Variants in SLC12A7 observed in about 807,000 individuals in gnomAD.
The protein encoded by SLC12A7 is solute carrier family 12 member 7.
Under a neutral mutation model 120.6 loss-of-function variants are expected in SLC12A7, and 100 were observed. The ratio of observed to expected loss-of-function variants is 0.83; its 90% confidence interval spans 0.71 to 0.98. SLC12A7 has a LOEUF of 0.98. Ranked by LOEUF, SLC12A7 falls within the 50% of genes least tolerant of loss-of-function variation. The pLI, the probability that SLC12A7 is intolerant of heterozygous loss-of-function variation, is 0.00. For missense variants in SLC12A7, 1,373 were observed against 1,548.1 expected (o/e 0.89, Z 1.90); for synonymous variants, 760 against 678.0 (o/e 1.12, Z -1.88).
At chr5:1,145,633 G>A in the SLC12A7 span, among the ~76,000 whole-genome samples, 6 of 151,992 alleles carry the variant, frequency 3.9e-5, no homozygotes, top group African/African-American at 1.5e-4. The surrounding 1 kb of genome is among the most constrained non-coding windows in gnomAD (Gnocchi z 4.4). Flanking sequence ...AGGCCTGAAA[G>A]AGCACCTTGC....
Position 1,085,068 on chromosome 5 carries a change from T to C in SLC12A7, c.917+164A>G, listed in dbSNP as rs10866480. Among the ~76,000 whole-genome samples the C allele has an allele frequency of 0.91, 139,217 of 152,288 alleles. 64,917 individuals are homozygous for C. The highest frequency in any genetic ancestry group is 1 in the East Asian group (5,155 of 5,162). ...CGGCCCACCTCACCGTTGGGTTTCCTGTAATCCCCAGAACGAGCCCACGGG... is the reference window on the plus strand; with the variant it reads ...CGGCCCACCTCACCGTTGGGTTTCCCGTAATCCCCAGAACGAGCCCACGGG... On this transcript the variant is annotated intron_variant, in intron 7 of 23. Transcript: ENST00000264930.
At chr5:1,149,862 C>T in the SLC12A7 span, among the ~76,000 whole-genome samples, 7 of 152,152 alleles carry the variant, frequency 4.6e-5, no homozygotes, top group African/African-American at 7.2e-5. Context: ...AACTCCGTCT[C>T]TACTCACAAT....
At chr5:1,108,612 G>A (rs940891068) in intron 1 of SLC12A7, among the ~76,000 whole-genome samples, 4 of 152,164 alleles carry the variant, frequency 2.6e-5, no homozygotes, top group Admixed American at 6.5e-5. Context: ...GAACCTGGAC[G>A]CTCTGTGTGT....
At chr5:1,131,875 C>T in the SLC12A7 span, among the ~76,000 whole-genome samples, 20 of 152,304 alleles carry the variant, frequency 1.3e-4, no homozygotes, top group African/African-American at 4.6e-4. Context: ...TGGGGCCCAG[C>T]GCCCTGGCTG....
chr5:1,149,332 T>G, the SLC12A7 span, among the ~76,000 whole-genome samples: 1 of 152,162 alleles, frequency 6.6e-6, no homozygotes, highest in South Asian at 2.1e-4. Flanking sequence ...ATCCCAGCAC[T>G]TTGGGAGGCC....
intron 1 of SLC12A7, among the ~76,000 whole-genome samples, chr5:1,110,720 T>C (rs910959362): frequency 6.6e-6 from 1 of 152,226 alleles, no homozygotes; most frequent in African/African-American, 2.4e-5. Flanking sequence ...CCTGCTTAGT[T>C]AGCACTTCAC....
At chr5:1,064,681 GGTGAAGGGACA>G (rs1736729466) in intron 18 of SLC12A7, among the ~76,000 whole-genome samples, 1 of 150,654 alleles carries the variant, frequency 6.6e-6, no homozygotes, top group African/African-American at 2.4e-5. Context: ...GCGAGGAGAC[GGTGAAGGGACA>G]GTGAGGGGAC....
At chr5:1,073,963 G>A (rs1738024777) in intron 16 of SLC12A7, among the ~76,000 whole-genome samples, 162 bp from the exon 17 acceptor site, 1 of 152,154 alleles carries the variant, frequency 6.6e-6, no homozygotes, top group African/African-American at 2.4e-5. Context: ...CAGATGGGAT[G>A]GGGAAACGTG....
At chr5:1,134,436 C>A in the SLC12A7 span, among the ~76,000 whole-genome samples, 10 of 151,950 alleles carry the variant, frequency 6.6e-5, no homozygotes, top group East Asian at 1.7e-3. Flanking sequence ...TGCCATTTCA[C>A]TTCAGCCTGG....
At chr5:1,133,854 C>A in the SLC12A7 span, among the ~76,000 whole-genome samples, 5 of 152,098 alleles carry the variant, frequency 3.3e-5, no homozygotes, top group Non-Finnish European at 5.9e-5. Flanking sequence ...CCTGACCAAC[C>A]GAGGCAGCAA....
In SLC12A7 at chr5:1,060,875, A is replaced by C. The variant is rs550689815; in HGVS notation, c.2740-424T>G. On this transcript the variant is annotated intron_variant, in intron 20 of 23. Coordinates refer to ENST00000264930, the MANE Select transcript of SLC12A7 (RefSeq NM_006598.3). ...AGAACACATGGAGAAGCCACAGCAC[A>C]ACCTCAGCGCCCGCCATGCAGGACC... 1.7e-3 allele frequency among the ~76,000 whole-genome samples: 245 copies of C among 144,812 alleles called. 1 individual carries two copies. The highest frequency in any genetic ancestry group is 3.7e-3 in the African/African-American group (134 of 35,884).
At position 1,094,606 on chromosome 5, in the gene SLC12A7, C is replaced by T. The variant is rs1038704498; in HGVS notation, c.125-358G>A. Reference sequence around the variant, plus strand: ...TTGAAGACAAAGCCCCTGAAAGCCTCGGCAAGTGAGCTGTTCAGCCCAGGG... The same window carrying T: ...TTGAAGACAAAGCCCCTGAAAGCCTTGGCAAGTGAGCTGTTCAGCCCAGGG... On this transcript the variant is annotated intron_variant, in intron 1 of 23. Coordinates refer to ENST00000264930, the MANE Select transcript of SLC12A7 (RefSeq NM_006598.3). 5.9e-5 allele frequency among the ~76,000 whole-genome samples: 9 copies of T among 152,346 alleles called. No individual in the cohort carries two copies. The East Asian group carries it at 1.7e-3, about 29-fold the overall frequency.
intron 16 of SLC12A7, among the ~76,000 whole-genome samples, chr5:1,074,251 G>A (rs958517429): frequency 3.3e-5 from 5 of 152,046 alleles, no homozygotes; most frequent in Admixed American, 1.3e-4. Context: ...ACACACCTGA[G>A]GCCCCCGCCG....
intron 14 of SLC12A7, 58 bp downstream of exon 14, chr5:1,076,080 A>T: frequency 1.4e-6 from 2 of 1,436,464 alleles, no homozygotes; most frequent in Non-Finnish European, 1.9e-6. Context: ...CACCAGTGGC[A>T]GAGGCACCCA....
intron 17 of SLC12A7, among the ~76,000 whole-genome samples, chr5:1,068,433 C>CA (rs1232826085): frequency 6.6e-6 from 1 of 152,068 alleles, no homozygotes; most frequent in African/African-American, 2.4e-5. Flanking sequence ...GACTCTGTCT[C>CA]AAAAAATAAA....
intron 17 of SLC12A7, among the ~76,000 whole-genome samples, chr5:1,066,485 G>A (rs1044133354): frequency 1.3e-5 from 2 of 152,200 alleles, no homozygotes; most frequent in African/African-American, 4.8e-5. Flanking sequence ...TGGCAGATAT[G>A]AATTTTAGGG....
chr5:1,121,124 G>A, the SLC12A7 span, among the ~76,000 whole-genome samples: 2 of 152,188 alleles, frequency 1.3e-5, no homozygotes, highest in Admixed American at 6.5e-5. Context: ...CCTCCTGCAC[G>A]TCCCCGCATC....
At chr5:1,064,777 G>T (rs1049957052) in intron 18 of SLC12A7, among the ~76,000 whole-genome samples, 1 of 150,364 alleles carries the variant, frequency 6.7e-6, no homozygotes, top group Admixed American at 6.7e-5. Context: ...ACAGCAAGGG[G>T]ACGGTGAGGG....
chr5:1,098,068 T>G (rs202056347), intron 1 of SLC12A7, among the ~76,000 whole-genome samples: 1 of 149,768 alleles, frequency 6.7e-6, no homozygotes, highest in African/African-American at 2.5e-5. Flanking sequence ...CTCTCTAACC[T>G]TCTGCACACC....
Sources: gnomAD v4.1 joint callset for allele counts (sites outside exome capture counted in the v4.1 genomes callset) on GRCh38, gnomAD v4.1.1 for gene constraint, Gnocchi (gnomAD v3.1) non-coding constraint, MANE v1.5 for transcripts, NCBI Gene and HGNC (gene_info 2026-07-23, HGNC 2026-07-21) for gene names.